Variants in LTBP2 observed in about 807,000 individuals in gnomAD.
LTBP2 encodes latent transforming growth factor beta binding protein 2, also known as latent-transforming growth factor beta-binding protein 2.
In LTBP2, 103 loss-of-function variants were observed where a neutral mutation model predicts 210.6. The observed-to-expected ratio is 0.49, with a 90% CI of 0.42 to 0.58. The LOEUF (loss-of-function observed/expected upper bound fraction) is 0.58. Ranked by LOEUF, LTBP2 falls within the 20% of genes least tolerant of loss-of-function variation. LTBP2 has a pLI of 0.00. For synonymous variants in LTBP2, 1,007 were observed against 1,015.0 expected, an observed-to-expected ratio of 0.99 and a Z score of 0.15; for missense variants, 2,313 against 2,494.5, an observed-to-expected ratio of 0.93 and a Z score of 1.55.
chr14:74,609,642 C>A (rs1439672232), intron 1 of LTBP2, among the ~76,000 whole-genome samples: 1 of 152,178 alleles, frequency 6.6e-6, no homozygotes, highest in African/African-American at 2.4e-5. Flanking sequence ...CCTCCTGCCA[C>A]CTCCCCTCTG....
Position 74,552,254 on chromosome 14 carries a change from G to A in LTBP2, c.1332C>T (p.Arg444=), listed in dbSNP as rs746316700. Residue 444 remains arginine, a synonymous_variant, in exon 6 of 36, where the codon CGC becomes CGT. Transcript: ENST00000261978. The part of the protein sequence containing the change: ...PDREPPGRGS[R]PRALLEAPLK... ...GTGGGGCTTCCAGCAAGGCCCTGGG[G>A]CGGGACCCCCTCCCTGGAGGCTCCC... The A allele has an allele frequency of 1.9e-6, 3 of 1,613,174 alleles. No homozygotes were observed. The highest frequency in any genetic ancestry group is 2.2e-5 in the East Asian group (1 of 44,878).
chr14:74,515,445 C>T (rs1012276178), intron 18 of LTBP2, among the ~76,000 whole-genome samples: 3 of 151,868 alleles, frequency 2.0e-5, no homozygotes, highest in East Asian at 1.9e-4. Flanking sequence ...TTAGTAGAGA[C>T]AGGGTTTCAC....
chr14:74,575,881 C>T (rs1474095247), intron 3 of LTBP2, among the ~76,000 whole-genome samples: 1 of 152,246 alleles, frequency 6.6e-6, no homozygotes, highest in African/African-American at 2.4e-5. Flanking sequence ...TGGAGGCCTA[C>T]AGTGAGCATT....
In LTBP2 at chr14:74,582,397, T is replaced by C. The variant is rs548141745; in HGVS notation, c.830+3457A>G. On this transcript the variant is annotated intron_variant, in intron 3 of 35. Transcript: ENST00000261978. ...GTGTACATGCACACACACACATACA[T>C]ACACACACACACACACACACACACA... Among the ~76,000 whole-genome samples, 873 of 140,810 alleles carry C rather than the reference T, an allele frequency of 6.2e-3. 9 individuals are homozygous for C. The highest frequency in any genetic ancestry group is 0.02 in the African/African-American group (743 of 37,196). 92.4% of individuals were successfully genotyped at this position (140,810 alleles called of 152,430 possible).
intron 1 of LTBP2, among the ~76,000 whole-genome samples, chr14:74,605,726 G>A (rs2088516434): frequency 1.3e-5 from 2 of 152,206 alleles, no homozygotes; most frequent in African/African-American, 2.4e-5. Flanking sequence ...GGCCCCCTGA[G>A]CCAGCCGTCA....
At position 74,551,637 on chromosome 14, in the gene LTBP2, C is replaced by T. The variant is rs77679972; in HGVS notation, c.1400-287G>A. ...CTGGCCAACCCTGGAACTCCAGCCCCCTGTCTCCTGCATGGCCCCACCTCC... is the reference window on the plus strand; with the variant it reads ...CTGGCCAACCCTGGAACTCCAGCCCTCTGTCTCCTGCATGGCCCCACCTCC... On this transcript the variant is annotated intron_variant, in intron 6 of 35. Transcript: ENST00000261978. Among the ~76,000 whole-genome samples the T allele has an allele frequency of 1.6e-4, 25 of 152,266 alleles. 2 individuals are homozygous for T. In the East Asian group the frequency reaches 4.6e-3, roughly 28 times the overall value.
rs991470988 is a variant in LTBP2, at chr14:74,563,303, C to T, written c.831-7610G>A. On this transcript the variant is annotated intron_variant, in intron 3 of 35. Coordinates refer to ENST00000261978, the MANE Select transcript of LTBP2 (RefSeq NM_000428.3). ...CACTGGAATCCCACCTCTAGGGGAC[C>T]CGACCTAAGACACTCGTAAATGTCC... Among the ~76,000 whole-genome samples, 7 of 152,266 alleles carry T rather than the reference C, an allele frequency of 4.6e-5. No individual in the cohort carries two copies. The South Asian group carries it at 1.5e-3, about 32-fold the overall frequency.
chr14:74,503,670 A>G lies in LTBP2; in HGVS notation c.4583-64T>C, dbSNP rs527870582. 4.4e-6 allele frequency: 7 copies of G among 1,599,872 alleles called. No individual in the cohort carries two copies. In the African/African-American group the frequency reaches 5.3e-5, roughly 12 times the overall value. ...CCTTTCCACCAACCACCCTCAGGGA[A>G]GGGTGTTTGCCTATCACTGATAATG... On this transcript the variant is annotated intron_variant, in intron 31 of 35. Coordinates refer to ENST00000261978, the MANE Select transcript of LTBP2 (RefSeq NM_000428.3).
At position 74,499,714 on chromosome 14, in the gene LTBP2, T is replaced by C. The variant is rs886050749; in HGVS notation, c.*1170A>G. 3.1e-5 allele frequency: 7 copies of C among 225,894 alleles called. No homozygotes were observed. Among genetic ancestry groups the C allele is most frequent in the Admixed American group, 5.7e-5 (1 of 17,520 alleles). The allele number at this position is 225,894 out of a possible 1,614,324, so 14.0% of individuals were successfully genotyped here. A position where few individuals can be genotyped will look rare whatever the true frequency, so the allele number is the denominator to read the frequency against. Reference sequence around the variant, plus strand: ...TAATATTTAGACTTAGCCAACATGGTAAAGAAATTTAATCTGATATGAAAT... The same window carrying C: ...TAATATTTAGACTTAGCCAACATGGCAAAGAAATTTAATCTGATATGAAAT... On this transcript the variant is annotated 3_prime_UTR_variant, in exon 36 of 36. Transcript: ENST00000261978.
In LTBP2 at chr14:74,527,502, A is replaced by G. The variant is rs1232259459; in HGVS notation, c.2369-136T>C. On this transcript the variant is annotated intron_variant, in intron 12 of 35. Coordinates refer to ENST00000261978, the MANE Select transcript of LTBP2 (RefSeq NM_000428.3). ...AGGGCCAGCAGCACAGAAAGCGTGG[A>G]CTCTTCTTACCTGCCTCTGCCCCAT... is the stretch of plus-strand genomic sequence containing the variant. The G allele has an allele frequency of 4.3e-6, 4 of 933,180 alleles. No homozygotes were observed. In the East Asian group the frequency reaches 1.1e-4, roughly 25 times the overall value. The allele number at this position is 933,180 out of a possible 1,614,324, so 57.8% of individuals were successfully genotyped here. A position where few individuals can be genotyped will look rare whatever the true frequency, so the allele number is the denominator to read the frequency against.
intron 14 of LTBP2, 123 bp downstream of exon 14, chr14:74,525,952 T>C: frequency 9.2e-7 from 1 of 1,086,310 alleles, no homozygotes; most frequent in Non-Finnish European, 1.4e-6. Context: ...GCCACGTCCT[T>C]CTCACCCTCC....
chr14:74,539,097 A>C (rs535044828), intron 8 of LTBP2, among the ~76,000 whole-genome samples: 9 of 152,276 alleles, frequency 5.9e-5, no homozygotes, highest in Non-Finnish European at 1.0e-4. Context: ...GACCAAGTGC[A>C]CATTTGTCCA....
At chr14:74,535,070 C>T (rs978467765) in intron 9 of LTBP2, among the ~76,000 whole-genome samples, 1 of 152,104 alleles carries the variant, frequency 6.6e-6, no homozygotes, top group African/African-American at 2.4e-5. Flanking sequence ...GCTTGGCCCT[C>T]AAACCACTGG....
chr14:74,505,023 G>A lies in LTBP2; in HGVS notation c.4329C>T (p.Ser1443=). The change falls in exon 29 of 36, where the codon AGC becomes AGT. Residue 1443 remains serine, a synonymous_variant. Coordinates refer to ENST00000261978, the MANE Select transcript of LTBP2 (RefSeq NM_000428.3). ...GGCAGAGGTCACAGGCATCTCCCCA[G>A]CTAGCGCCCTGGGTGCAGCAGCATT... is the stretch of plus-strand genomic sequence containing the variant. ...QAECCCTQGA[S]WGDACDLCPS... is the part of the protein sequence containing the mutation. 1 of 1,614,188 alleles carries A rather than the reference G, an allele frequency of 6.2e-7. No homozygotes were observed. The highest frequency in any genetic ancestry group is 8.5e-7 in the Non-Finnish European group (1 of 1,180,040).
intron 4 of LTBP2, 36 bp from the exon 5 acceptor site, chr14:74,553,098 T>C: frequency 6.2e-7 from 1 of 1,606,612 alleles, no homozygotes; most frequent in Non-Finnish European, 8.5e-7. Flanking sequence ...GGGGCAGGGC[T>C]GAGAGGCACA....
intron 31 of LTBP2, 118 bp downstream of exon 31, chr14:74,503,808 G>T: frequency 6.8e-7 from 1 of 1,471,072 alleles, no homozygotes. Context: ...CTGCTGCAGT[G>T]GGCGGCCTCC....
chr14:74,517,792 T>C (rs954810556), intron 17 of LTBP2, among the ~76,000 whole-genome samples: 1 of 152,194 alleles, frequency 6.6e-6, no homozygotes, highest in African/African-American at 2.4e-5. Context: ...CCAAAGTATA[T>C]TGGTGTCCCA....
intron 18 of LTBP2, among the ~76,000 whole-genome samples, chr14:74,511,692 C>T (rs1191040430): frequency 2.0e-5 from 3 of 152,152 alleles, no homozygotes; most frequent in Non-Finnish European, 4.4e-5. Context: ...TCTCCCCTGG[C>T]GAATTCCTAA....
chr14:74,501,657 A>G, intron 34 of LTBP2, 67 bp from the exon 35 acceptor site: 2 of 1,601,824 alleles, frequency 1.2e-6, no homozygotes, highest in East Asian at 2.2e-5. Flanking sequence ...TAATGCTGGG[A>G]CCCTCGCCCT....
Sources: allele counts gnomAD v4.1 joint callset (sites outside exome capture counted in the v4.1 genomes callset), GRCh38; gene constraint gnomAD v4.1.1; transcripts MANE v1.5; gene names NCBI Gene and HGNC (gene_info 2026-07-23, HGNC 2026-07-21).